SV2C: variants seen among roughly 807,000 people sequenced by gnomAD.
SV2C encodes the protein synaptic vesicle glycoprotein 2C.
In SV2C, 49 loss-of-function variants were observed where a neutral mutation model predicts 79.7. The ratio of observed to expected loss-of-function variants is 0.61; its 90% CI spans 0.49 to 0.78. The LOEUF (loss-of-function observed/expected upper bound fraction) is 0.78, where lower values mean the gene tolerates loss of function less well. SV2C is among the 30% of genes least tolerant of loss of function. The pLI, the probability that SV2C is intolerant of heterozygous loss-of-function variation, is 0.00. For synonymous variants in SV2C, 334 were observed against 333.2 expected (o/e 1.00, Z -0.03); for missense variants, 833 against 912.9 (o/e 0.91, Z 1.13).
chr5:76,260,270 GC>G (rs1291843261), intron 4 of SV2C, among the ~76,000 whole-genome samples: 3 of 152,022 alleles, frequency 2.0e-5, no homozygotes, highest in African/African-American at 7.3e-5. Flanking sequence ...CATATCCTTC[GC>G]CTACTTTTTG....
chr5:75,991,160 G>T, the SV2C span, among the ~76,000 whole-genome samples: 6 of 151,864 alleles, frequency 4.0e-5, no homozygotes, highest in African/African-American at 1.5e-4. Context: ...ACAGTATGTT[G>T]TTTAAAATGT....
chr5:76,086,214 G>A (rs191166146), intron 1 of SV2C, among the ~76,000 whole-genome samples: 63 of 152,252 alleles, frequency 4.1e-4, no homozygotes, highest in East Asian at 1.4e-3. Context: ...ATAGGATCCA[G>A]TTCCCAGTCT....
the SV2C span, among the ~76,000 whole-genome samples, chr5:76,066,607 AAAAG>A: frequency 2.0e-5 from 3 of 151,970 alleles, no homozygotes; most frequent in African/African-American, 7.2e-5. Context: ...AGCATAATAA[AAAAG>A]AAGAAGAAGA....
At chr5:75,862,623 G>A in the SV2C span, among the ~76,000 whole-genome samples, 6 of 152,156 alleles carry the variant, frequency 3.9e-5, no homozygotes, top group Non-Finnish European at 8.8e-5. Context: ...ATCTCTTGCT[G>A]TGGCAAATTC....
chr5:76,207,923 A>T (rs1014776217), intron 3 of SV2C, among the ~76,000 whole-genome samples: 7 of 152,262 alleles, frequency 4.6e-5, no homozygotes, highest in African/African-American at 1.7e-4. Context: ...AGAGAATTGT[A>T]TGAGTCTAAT....
At chr5:76,287,092 G>A (rs1031714917) in intron 6 of SV2C, among the ~76,000 whole-genome samples, 2 of 152,152 alleles carry the variant, frequency 1.3e-5, no homozygotes, top group South Asian at 2.1e-4. Flanking sequence ...TGCTTTTCAG[G>A]TAGTGTATTC....
At chr5:76,132,885 TC>T (rs1748950137) in intron 2 of SV2C, among the ~76,000 whole-genome samples, 1 of 151,992 alleles carries the variant, frequency 6.6e-6, no homozygotes, top group South Asian at 2.1e-4. Context: ...CGTATAATTT[TC>T]TATAGGTGAT....
At chr5:76,119,977 T>G (rs1304072973) in intron 1 of SV2C, among the ~76,000 whole-genome samples, 6 of 152,162 alleles carry the variant, frequency 3.9e-5, no homozygotes, top group Admixed American at 2.0e-4. Context: ...AGTAAGGTAT[T>G]GTATATTTCA....
At chr5:76,036,677 A>AT in the SV2C span, among the ~76,000 whole-genome samples, 1 of 151,868 alleles carries the variant, frequency 6.6e-6, no homozygotes, top group Non-Finnish European at 1.5e-5. Context: ...TGCCTTTAAC[A>AT]TTTTTTCCTT....
chr5:75,961,806 C>T, the SV2C span, among the ~76,000 whole-genome samples: 3 of 152,054 alleles, frequency 2.0e-5, no homozygotes, highest in African/African-American at 2.4e-5. Context: ...AAATGCTTCT[C>T]AACTACCATA....
At chr5:76,004,947 C>T in the SV2C span, among the ~76,000 whole-genome samples, 1 of 152,096 alleles carries the variant, frequency 6.6e-6, no homozygotes, top group Non-Finnish European at 1.5e-5. Flanking sequence ...TGGGGCATAC[C>T]TTGTCAGAGG....
intron 9 of SV2C, 120 bp downstream of exon 9, chr5:76,296,062 G>A: frequency 1.0e-6 from 1 of 956,702 alleles, no homozygotes; most frequent in East Asian, 2.8e-5. Flanking sequence ...TGTACATTTA[G>A]TCATTTTCAT....
Position 76,171,974 on chromosome 5 carries a change from G to A in SV2C, c.581-22945G>A, listed in dbSNP as rs1370562837. On this transcript the variant is annotated intron_variant, in intron 2 of 12. Transcript: ENST00000502798. ...CCCCGCCTGGCCAGCCGCCCCGTCC[G>A]GGAGGGAGGTGGGGGGGGTCAGCCC... Among the ~76,000 whole-genome samples the A allele has an allele frequency of 7.6e-5, 10 of 131,412 alleles. No homozygotes were observed. In the South Asian group the frequency reaches 1.5e-3, roughly 20 times the overall value. 86.2% of individuals were successfully genotyped at this position (131,412 alleles called of 152,430 possible). A position where few individuals can be genotyped will look rare whatever the true frequency, so the allele number is the denominator to read the frequency against.
At chr5:75,938,106 C>T in the SV2C span, among the ~76,000 whole-genome samples, 2,429 of 152,202 alleles carry the variant, frequency 0.016, 62 homozygotes, top group African/African-American at 0.055. Flanking sequence ...CCATGATGCC[C>T]GTCTGTTATT....
chr5:76,085,067 T>C lies in SV2C; in HGVS notation c.-102+1555T>C, dbSNP rs140215772. 1.9e-3 allele frequency among the ~76,000 whole-genome samples: 295 copies of C among 152,380 alleles called. 3 individuals carry two copies. The highest frequency in any genetic ancestry group is 3.3e-3 in the Non-Finnish European group (222 of 68,034). ...CCTAATCCCTTCATACTTAGCTGAC[T>C]GCTAGCGCGGTAGCTTCCGTTTAAT... On this transcript the variant is annotated intron_variant, in intron 1 of 12. Transcript: ENST00000502798.
At position 76,090,948 on chromosome 5, in the gene SV2C, A is replaced by C. The variant is rs201105513; in HGVS notation, c.-102+7436A>C. 2.6e-5 allele frequency among the ~76,000 whole-genome samples: 4 copies of C among 152,318 alleles called. No individual in the cohort carries two copies. The East Asian group carries it at 7.7e-4, about 29-fold the overall frequency. ...AGAAGGTGACCCACTTTGTCATTTC[A>C]AGCTCCGACTAGCCTCTTTTAAAAT... On this transcript the variant is annotated intron_variant, in intron 1 of 12. Coordinates refer to ENST00000502798, the MANE Select transcript of SV2C (RefSeq NM_014979.4).
chr5:76,189,018 T>C (rs961157502), intron 2 of SV2C, among the ~76,000 whole-genome samples: 4 of 151,728 alleles, frequency 2.6e-5, no homozygotes, highest in Non-Finnish European at 4.4e-5. Context: ...CCCACCCCCA[T>C]GCACACAGAA....
At chr5:76,313,292 T>A (rs1023747760) in intron 12 of SV2C, among the ~76,000 whole-genome samples, 1 of 152,206 alleles carries the variant, frequency 6.6e-6, no homozygotes, top group Non-Finnish European at 1.5e-5. Flanking sequence ...AACCAACCTA[T>A]GTAATCCACT....
intron 2 of SV2C, among the ~76,000 whole-genome samples, chr5:76,136,752 G>A (rs560908614): frequency 2.0e-5 from 3 of 152,260 alleles, no homozygotes; most frequent in Admixed American, 6.5e-5. Flanking sequence ...TTTGAGAGCT[G>A]GACAAGAGTT....
Sources: gnomAD v4.1 joint callset for allele counts (sites outside exome capture counted in the v4.1 genomes callset) on GRCh38, gnomAD v4.1.1 for gene constraint, MANE v1.5 for transcripts, NCBI Gene and HGNC (gene_info 2026-07-23, HGNC 2026-07-21) for gene names.